ROBO1: variants seen among roughly 807,000 people sequenced by gnomAD.
ROBO1 encodes the protein roundabout guidance receptor 1.
A neutral mutation model predicts 195.9 loss-of-function variants in ROBO1; 149 were observed. The ratio of observed to expected loss-of-function variants is 0.76; its 90% confidence interval spans 0.67 to 0.87. The LOEUF (loss-of-function observed/expected upper bound fraction) is 0.87, where lower values mean the gene tolerates loss of function less well. ROBO1 is among the 40% of genes least tolerant of loss of function. The pLI is 0.00. For synonymous variants in ROBO1, 816 were observed against 733.2 expected (o/e 1.11, Z -1.82); for missense variants, 1,933 against 2,068.3 (o/e 0.93, Z 1.27).
chr3:78,883,120 A>G (rs2036284430), intron 4 of ROBO1, among the ~76,000 whole-genome samples: 1 of 151,896 alleles, frequency 6.6e-6, no homozygotes, highest in South Asian at 2.1e-4. Context: ...GCCATTCCCA[A>G]TCTTTTCTCT....
intron 2 of ROBO1, among the ~76,000 whole-genome samples, chr3:79,201,001 T>A (rs1053803857): frequency 6.6e-6 from 1 of 151,870 alleles, no homozygotes; most frequent in African/African-American, 2.4e-5. Context: ...AACAGCAAAT[T>A]CCGGATCCTG....
At chr3:79,360,353 T>C (rs1322501988) in intron 2 of ROBO1, among the ~76,000 whole-genome samples, 1 of 152,054 alleles carries the variant, frequency 6.6e-6, no homozygotes, top group Admixed American at 6.6e-5. Context: ...ATAAATTTTC[T>C]GAGGTTTTTA....
chr3:79,184,730 T>C (rs768459055), intron 2 of ROBO1, among the ~76,000 whole-genome samples: 2 of 152,124 alleles, frequency 1.3e-5, no homozygotes, highest in African/African-American at 4.8e-5. Context: ...TTCCAGACAG[T>C]TGGAGCTCTG....
intron 1 of ROBO1, among the ~76,000 whole-genome samples, chr3:79,686,314 A>G (rs1412057540): frequency 6.6e-6 from 1 of 152,182 alleles, no homozygotes; most frequent in East Asian, 1.9e-4. Flanking sequence ...CTGGCACAAG[A>G]CAGGGATGCC....
At chr3:78,604,159 C>T (rs1227763886) in intron 29 of ROBO1, among the ~76,000 whole-genome samples, 1 of 152,140 alleles carries the variant, frequency 6.6e-6, no homozygotes, top group Admixed American at 6.6e-5. Flanking sequence ...CAATCTCCTC[C>T]TCCCGGGTTC....
chr3:79,341,786 G>C (rs925484314), intron 2 of ROBO1, among the ~76,000 whole-genome samples: 6 of 152,124 alleles, frequency 3.9e-5, no homozygotes, highest in Non-Finnish European at 5.9e-5. Context: ...AATTATTAGA[G>C]TAAATCTTTG....
intron 3 of ROBO1, among the ~76,000 whole-genome samples, chr3:79,044,115 A>G (rs1386291730): frequency 2.3e-5 from 3 of 130,854 alleles, no homozygotes; most frequent in African/African-American, 8.3e-5. Flanking sequence ...CAGTAATGAT[A>G]GTTGATGAGC....
chr3:79,540,058 G>C (rs1211256631), intron 2 of ROBO1, among the ~76,000 whole-genome samples: 1 of 152,022 alleles, frequency 6.6e-6, no homozygotes, highest in Admixed American at 6.6e-5. Context: ...AACATTGTTT[G>C]ATAAGTTGCA....
Position 78,757,433 on chromosome 3 carries a change from G to GCACACA in ROBO1, c.500-10539_500-10534dup, listed in dbSNP as rs34283910. ...CTGGGAAACAAAGGCATGCGCACAT[G>GCACACA]CACACACACACACACACACACACTC... is the stretch of plus-strand genomic sequence containing the variant. On this transcript the variant is annotated intron_variant, in intron 4 of 30. Coordinates refer to ENST00000464233, the MANE Select transcript of ROBO1 (RefSeq NM_002941.4). Among the ~76,000 whole-genome samples the GCACACA allele has an allele frequency of 1.3e-3, 194 of 149,854 alleles. 1 individual carries two copies. Among genetic ancestry groups the GCACACA allele is most frequent in the African/African-American group, 3.6e-3 (147 of 40,894 alleles).
intron 4 of ROBO1, among the ~76,000 whole-genome samples, chr3:78,898,412 G>A (rs2037381697): frequency 7.3e-6 from 1 of 136,844 alleles, no homozygotes; most frequent in African/African-American, 2.8e-5. Flanking sequence ...TTTTGAGACG[G>A]AGTCTTGCTC....
intron 15 of ROBO1, among the ~76,000 whole-genome samples, chr3:78,661,481 A>C (rs1707400612): frequency 1.3e-5 from 2 of 152,170 alleles, no homozygotes; most frequent in Non-Finnish European, 2.9e-5. Context: ...CTTCAGCTAA[A>C]ACATTCAAAT....
chr3:78,965,990 C>G (rs2076634077), intron 3 of ROBO1, among the ~76,000 whole-genome samples: 1 of 152,146 alleles, frequency 6.6e-6, no homozygotes, highest in African/African-American at 2.4e-5. Flanking sequence ...TGTGTTAGAC[C>G]AGGGGTCCCC....
intron 1 of ROBO1, among the ~76,000 whole-genome samples, chr3:79,701,402 T>C (rs1947618563): frequency 1.3e-5 from 2 of 151,744 alleles, no homozygotes; most frequent in South Asian, 4.2e-4. Context: ...TGGACATACA[T>C]GTTGCCATTT....
chr3:79,267,128 A>C (rs1664272885), intron 2 of ROBO1, among the ~76,000 whole-genome samples: 1 of 151,550 alleles, frequency 6.6e-6, no homozygotes, highest in African/African-American at 2.4e-5. Flanking sequence ...TATTAGTCAT[A>C]CAAGACATAT....
intron 4 of ROBO1, among the ~76,000 whole-genome samples, chr3:78,772,136 G>A (rs374771346): frequency 7.9e-5 from 12 of 152,014 alleles, no homozygotes; most frequent in East Asian, 1.9e-4. Flanking sequence ...GACCTAATAC[G>A]TATTTGCTTA....
At chr3:79,760,343 A>C (rs1298741745) in intron 1 of ROBO1, among the ~76,000 whole-genome samples, 1 of 149,794 alleles carries the variant, frequency 6.7e-6, no homozygotes, top group African/African-American at 2.4e-5. Flanking sequence ...TGGTTTCCCA[A>C]AACAAGATGG....
At chr3:79,448,917 T>C (rs1407401659) in intron 2 of ROBO1, among the ~76,000 whole-genome samples, 1 of 152,150 alleles carries the variant, frequency 6.6e-6, no homozygotes, top group East Asian at 1.9e-4. Flanking sequence ...TTTGAAGGGA[T>C]GATAATTTCT....
intron 2 of ROBO1, among the ~76,000 whole-genome samples, chr3:79,245,253 T>C (rs1057101982): frequency 6.6e-6 from 1 of 152,128 alleles, no homozygotes; most frequent in Non-Finnish European, 1.5e-5. Flanking sequence ...AGATACTCTT[T>C]AGTACTGAAT....
intron 1 of ROBO1, among the ~76,000 whole-genome samples, chr3:79,652,394 A>G (rs1946037408): frequency 6.6e-6 from 1 of 152,144 alleles, no homozygotes; most frequent in Non-Finnish European, 1.5e-5. Context: ...ATCTTGGTTC[A>G]GTAAACTACA....
Sources: allele counts gnomAD v4.1 joint callset (sites outside exome capture counted in the v4.1 genomes callset), GRCh38; gene constraint gnomAD v4.1.1; transcripts MANE v1.5; gene names NCBI Gene and HGNC (gene_info 2026-07-23, HGNC 2026-07-21).